NAV2: variants seen among roughly 807,000 people sequenced by gnomAD.
The protein encoded by NAV2 is helicase, APC down-regulated 1.
NAV2 carries 54 observed loss-of-function variants against 223.2 expected under a neutral mutation model. That is an observed-to-expected ratio of 0.24 (90% CI 0.19 to 0.30). The LOEUF (loss-of-function observed/expected upper bound fraction) is 0.30. Among genes scored for constraint, NAV2 ranks in the 10% least tolerant of loss-of-function variants. NAV2 has a pLI of 1.00. For missense variants in NAV2, 2,806 were observed against 3,147.5 expected (o/e 0.89, Z 2.60); for synonymous variants, 1,279 against 1,239.3 (o/e 1.03, Z -0.67).
chr11:19,638,704 G>T (rs1166403604), intron 1 of NAV2, among the ~76,000 whole-genome samples: 1 of 152,202 alleles, frequency 6.6e-6, no homozygotes, highest in Non-Finnish European at 1.5e-5. Context: ...GTGGTTGGGT[G>T]CATCTCTTGA....
intron 1 of NAV2, among the ~76,000 whole-genome samples, chr11:19,669,665 G>A (rs1462418707): frequency 6.6e-6 from 1 of 152,238 alleles, no homozygotes; most frequent in East Asian, 1.9e-4. Context: ...CAGCACTAGT[G>A]AGCCTTTGAG....
chr11:20,015,865 G>A (rs2053958093), intron 11 of NAV2, among the ~76,000 whole-genome samples: 1 of 152,162 alleles, frequency 6.6e-6, no homozygotes, highest in Admixed American at 6.5e-5. Context: ...CCTGTGAATG[G>A]CCCTGGCCCA....
chr11:19,758,840 G>A (rs1045858094), intron 1 of NAV2, among the ~76,000 whole-genome samples: 2 of 152,182 alleles, frequency 1.3e-5, no homozygotes, highest in Non-Finnish European at 2.9e-5. Flanking sequence ...GCCAGAAAGG[G>A]AGCCAAAACC....
At chr11:19,485,710 T>C (rs2042420762) in intron 1 of NAV2, among the ~76,000 whole-genome samples, 1 of 148,194 alleles carries the variant, frequency 6.7e-6, no homozygotes, top group Non-Finnish European at 1.5e-5. Context: ...AGTTTTTATA[T>C]GGGAGGATCT....
rs1299762863 is a variant in NAV2 at position 19,870,149 on chromosome 11, G to T, written c.511+1152G>T. On this transcript the variant is annotated intron_variant, in intron 4 of 37. Transcript: ENST00000349880. The stretch of plus-strand genomic sequence containing the variant: ...TCCAGAGTTCGCAGAAGCAGTTGTC[G>T]TGTGGTCAGTCCTAATCCCAGAAGA... 2.6e-5 allele frequency among the ~76,000 whole-genome samples: 4 copies of T among 152,120 alleles called. No individual in the cohort carries two copies. In the East Asian group the frequency reaches 7.7e-4, roughly 29 times the overall value.
At chr11:19,454,819 A>G (rs1222916256) in intron 1 of NAV2, among the ~76,000 whole-genome samples, 3 of 152,156 alleles carry the variant, frequency 2.0e-5, no homozygotes, top group Non-Finnish European at 4.4e-5. Flanking sequence ...GGGAGGTGGG[A>G]GCACCTTCCA....
intron 1 of NAV2, among the ~76,000 whole-genome samples, chr11:19,765,440 TCTTCCC>T (rs148263068): frequency 6.9e-5 from 10 of 144,524 alleles, no homozygotes; most frequent in Non-Finnish European, 1.1e-4. Flanking sequence ...TCCTCCTTCT[TCTTCCC>T]CTTCCCCTTC....
chr11:19,611,377 C>T (rs904439472), intron 1 of NAV2, among the ~76,000 whole-genome samples: 4 of 152,152 alleles, frequency 2.6e-5, no homozygotes, highest in Non-Finnish European at 4.4e-5. Flanking sequence ...ATCATTCCTT[C>T]CCGACAGTCC....
intron 32 of NAV2, among the ~76,000 whole-genome samples, chr11:20,102,487 C>T (rs2061709826): frequency 6.6e-6 from 1 of 152,140 alleles, no homozygotes; most frequent in African/African-American, 2.4e-5. Context: ...GCTTCTCCTT[C>T]TGTAAAATGG....
At chr11:19,390,633 G>T (rs1849211118) in intron 1 of NAV2, among the ~76,000 whole-genome samples, 1 of 152,180 alleles carries the variant, frequency 6.6e-6, no homozygotes, top group Admixed American at 6.5e-5. Context: ...TTGATGGATT[G>T]TCTCATAACT....
At chr11:19,765,440 TCTTCCCCTTCCC>T (rs148263068) in intron 1 of NAV2, among the ~76,000 whole-genome samples, 2,311 of 144,482 alleles carry the variant, frequency 0.016, 62 homozygotes, top group African/African-American at 0.056. Context: ...TCCTCCTTCT[TCTTCCCCTTCCC>T]CTTCCCCTTC....
At chr11:19,899,243 A>C (rs2042250480) in intron 6 of NAV2, among the ~76,000 whole-genome samples, 1 of 152,240 alleles carries the variant, frequency 6.6e-6, no homozygotes, top group African/African-American at 2.4e-5. Context: ...GGCTCGAGAC[A>C]GAATTTTATA....
chr11:19,699,559 T>C (rs1436536812), intron 1 of NAV2, among the ~76,000 whole-genome samples: 1 of 152,214 alleles, frequency 6.6e-6, no homozygotes, highest in Non-Finnish European at 1.5e-5. Context: ...ATGATTGCCT[T>C]GGGCACCTCG....
chr11:19,877,391 C>G (rs1179697257), intron 4 of NAV2, among the ~76,000 whole-genome samples: 2 of 151,682 alleles, frequency 1.3e-5, no homozygotes, highest in Admixed American at 1.3e-4. Flanking sequence ...CCAGTGAATT[C>G]AGTTTTGAGG....
chr11:19,383,989 C>A (rs1171754605), intron 1 of NAV2, among the ~76,000 whole-genome samples: 19 of 152,206 alleles, frequency 1.2e-4, no homozygotes, highest in Admixed American at 1.2e-3. Context: ...GGTAAATTTT[C>A]AGCAATAAGA....
At chr11:19,397,665 C>T (rs1311044885) in intron 1 of NAV2, among the ~76,000 whole-genome samples, 2 of 152,002 alleles carry the variant, frequency 1.3e-5, no homozygotes, top group Non-Finnish European at 2.9e-5. Context: ...AAAATTGCAC[C>T]TTGAATAAAA....
rs987765683 is a variant in NAV2, at chr11:20,119,529, G to C, written c.*1271G>C. 3 of 152,660 alleles carry C rather than the reference G, an allele frequency of 2.0e-5. No individual in the cohort carries two copies. Among genetic ancestry groups the C allele is most frequent in the African/African-American group, 7.2e-5 (3 of 41,444 alleles). 9.5% of individuals were successfully genotyped at this position (152,660 alleles called of 1,614,324 possible). A position where few individuals can be genotyped will look rare whatever the true frequency, so the allele number is the denominator to read the frequency against. ...CTTGCACTTTCCTCAGAACCAACAT[G>C]ACGCAGCTCAATAAGGGTGAGGGTC... On this transcript the variant is annotated 3_prime_UTR_variant, in exon 38 of 38. Coordinates refer to ENST00000349880, the MANE Select transcript of NAV2 (RefSeq NM_145117.5).
At chr11:19,683,663 T>C (rs1303593943) in intron 1 of NAV2, among the ~76,000 whole-genome samples, 1 of 152,250 alleles carries the variant, frequency 6.6e-6, no homozygotes, top group East Asian at 1.9e-4. Flanking sequence ...GTGCAGGGCA[T>C]CCAGAAAGGC....
chr11:19,460,961 T>C (rs767262309), intron 1 of NAV2, among the ~76,000 whole-genome samples: 2 of 152,090 alleles, frequency 1.3e-5, no homozygotes, highest in Non-Finnish European at 2.9e-5. Flanking sequence ...ATGCTTCTGG[T>C]GGGATTCATA....
Sources: gnomAD v4.1 joint callset for allele counts (sites outside exome capture counted in the v4.1 genomes callset) on GRCh38, gnomAD v4.1.1 for gene constraint, MANE v1.5 for transcripts, NCBI Gene and HGNC (gene_info 2026-07-23, HGNC 2026-07-21) for gene names.